Variants in ANKRD22 observed in about 807,000 individuals in gnomAD.
ANKRD22 encodes the protein ankyrin repeat domain-containing protein 22.
A neutral mutation model predicts 25.7 loss-of-function variants in ANKRD22; 24 were observed. The ratio of observed to expected loss-of-function variants is 0.93; its 90% confidence interval spans 0.68 to 1.31. The LOEUF (loss-of-function observed/expected upper bound fraction) is 1.31, where lower values mean the gene tolerates loss of function less well. Among genes scored for constraint, ANKRD22 ranks in the 50% most tolerant of loss-of-function variants. The pLI is 0.00. For synonymous variants in ANKRD22, 84 were observed against 84.3 expected, an observed-to-expected ratio of 1.00 and a Z score of 0.02; for missense variants, 214 against 227.1, an observed-to-expected ratio of 0.94 and a Z score of 0.37.
chr10:88,823,620 G>T (rs888710151), intron 4 of ANKRD22: 13 of 392,596 alleles, frequency 3.3e-5, no homozygotes, highest in African/African-American at 2.7e-4. Flanking sequence ...GAGGTCAGAG[G>T]ATCGAGACCG....
At chr10:88,845,015 C>A (rs1844035025) in intron 1 of ANKRD22, among the ~76,000 whole-genome samples, 1 of 152,056 alleles carries the variant, frequency 6.6e-6, no homozygotes, top group Non-Finnish European at 1.5e-5. Flanking sequence ...GGCTCTTAGA[C>A]AAGGAGAACT....
chr10:88,820,518 G>C lies in ANKRD22; in HGVS notation c.*2423C>G, dbSNP rs751078620. The C allele has an allele frequency of 1.3e-6, 2 of 1,544,606 alleles. No homozygotes were observed. Among genetic ancestry groups the C allele is most frequent in the Admixed American group, 2.0e-5 (1 of 50,878 alleles). The stretch of plus-strand genomic sequence containing the variant: ...GTATTGTGAAGCATCTGACACTGAC[G>C]ATCTTAGGACAACCTCCTGAGGGAT... On this transcript the variant is annotated 3_prime_UTR_variant, in exon 6 of 6. Coordinates refer to ENST00000371930, the MANE Select transcript of ANKRD22 (RefSeq NM_144590.3).
chr10:88,850,148 T>A (rs1040241006), intron 1 of ANKRD22, among the ~76,000 whole-genome samples: 1 of 151,900 alleles, frequency 6.6e-6, no homozygotes, highest in African/African-American at 2.4e-5. Flanking sequence ...ATGAGTAGGC[T>A]ATGTTTAAAT....
intron 4 of ANKRD22, among the ~76,000 whole-genome samples, chr10:88,824,570 T>A (rs865851771): frequency 6.6e-6 from 1 of 152,124 alleles, no homozygotes; most frequent in Non-Finnish European, 1.5e-5. Flanking sequence ...TTTGAAAAAA[T>A]TTTGGTATTA....
At chr10:88,836,445 A>G (rs1047981175) in intron 1 of ANKRD22, among the ~76,000 whole-genome samples, 2 of 152,330 alleles carry the variant, frequency 1.3e-5, no homozygotes. Context: ...ACAACCCTCT[A>G]AAGTAGTATT....
chr10:88,851,020 T>A (rs1169030664), intron 1 of ANKRD22, among the ~76,000 whole-genome samples: 1 of 152,154 alleles, frequency 6.6e-6, no homozygotes, highest in African/African-American at 2.4e-5. Flanking sequence ...AATAAGTTAC[T>A]TCCAATACAA....
At chr10:88,836,570 C>G (rs139591757) in intron 1 of ANKRD22, among the ~76,000 whole-genome samples, 1 of 152,272 alleles carries the variant, frequency 6.6e-6, no homozygotes, top group East Asian at 1.9e-4. Context: ...CTGCAGAATG[C>G]GTACATTCTA....
intron 3 of ANKRD22, among the ~76,000 whole-genome samples, chr10:88,827,759 G>A (rs552064740): frequency 6.6e-6 from 1 of 152,298 alleles, no homozygotes; most frequent in African/African-American, 2.4e-5. Context: ...TTCTGCGGCT[G>A]ATGTTAACAG....
Position 88,828,627 on chromosome 10 carries a change from A to T in ANKRD22, c.253T>A (p.Phe85Ile). 2.5e-6 allele frequency: 4 copies of T among 1,610,376 alleles called. No homozygotes were observed. Among genetic ancestry groups the T allele is most frequent in the Non-Finnish European group, 2.5e-6 (3 of 1,177,958 alleles). The part of the protein sequence containing the change: ...TCLHYAVKKK[F>I]TFIDYLLIIL... Reference sequence around the variant, plus strand: ...ATTAGTAGATAATCAATGAAGGTAAATTTTTTCTTCACAGCATAATGCAAG... The same window carrying T: ...ATTAGTAGATAATCAATGAAGGTAATTTTTTTCTTCACAGCATAATGCAAG... The change falls in exon 3 of 6, where the codon TTT (phenylalanine) becomes ATT (isoleucine). Residue 85 changes from phenylalanine (F) to isoleucine (I), a missense_variant. Phe to Ile is a conservative substitution (Grantham distance 21, BLOSUM62 0). Transcript: ENST00000371930.
chr10:88,850,619 G>A (rs1239888624), intron 1 of ANKRD22, among the ~76,000 whole-genome samples: 1 of 152,134 alleles, frequency 6.6e-6, no homozygotes, highest in African/African-American at 2.4e-5. Flanking sequence ...CACTTGGGCA[G>A]TCTAAAGTTT....
chr10:88,824,737 A>G (rs749224008), intron 4 of ANKRD22, among the ~76,000 whole-genome samples: 2 of 152,196 alleles, frequency 1.3e-5, no homozygotes. Context: ...AAATACACAT[A>G]AATTGCTGAG....
intron 1 of ANKRD22, among the ~76,000 whole-genome samples, chr10:88,832,492 T>TACTAA: frequency 2.0e-5 from 3 of 152,010 alleles, no homozygotes; most frequent in African/African-American, 7.2e-5. Context: ...TCTTTATCTT[T>TACTAA]AGTAAAGACA....
In ANKRD22 at chr10:88,838,067, A is replaced by T. The variant is rs569392947; in HGVS notation, c.22-6041T>A. 3.3e-5 allele frequency among the ~76,000 whole-genome samples: 5 copies of T among 152,332 alleles called. No homozygotes were observed. In the South Asian group the frequency reaches 1.0e-3, roughly 32 times the overall value. Reference sequence around the variant, plus strand: ...AAGATGAATGGATTAATGACAGGAGATGTGATTGAGACAAGGGTAGATGAG... The same window carrying T: ...AAGATGAATGGATTAATGACAGGAGTTGTGATTGAGACAAGGGTAGATGAG... On this transcript the variant is annotated intron_variant, in intron 1 of 5. Transcript: ENST00000371930.
intron 1 of ANKRD22, among the ~76,000 whole-genome samples, chr10:88,832,475 TAAAATATCTTTATCTTTAGTAAAGAC>T (rs1843914295): frequency 6.6e-6 from 1 of 150,834 alleles, no homozygotes; most frequent in Non-Finnish European, 1.5e-5. Context: ...TTACTAAAGA[TAAAATATCTTTATCTTTAGTAAAGAC>T]AAAATGTCTT....
At chr10:88,834,156 C>A (rs954099541) in intron 1 of ANKRD22, among the ~76,000 whole-genome samples, 10 of 152,216 alleles carry the variant, frequency 6.6e-5, no homozygotes, top group African/African-American at 2.2e-4. Context: ...GTCCTAGCAG[C>A]AATGCCCAGT....
chr10:88,837,124 G>T (rs1843961478), intron 1 of ANKRD22, among the ~76,000 whole-genome samples: 2 of 152,170 alleles, frequency 1.3e-5, no homozygotes, highest in Admixed American at 1.3e-4. Context: ...TCATCAAGTG[G>T]TTACAAATCC....
chr10:88,833,603 A>T (rs530588798), intron 1 of ANKRD22, among the ~76,000 whole-genome samples: 4 of 152,380 alleles, frequency 2.6e-5, no homozygotes, highest in Non-Finnish European at 5.9e-5. Flanking sequence ...AAATATCACA[A>T]TAAGTGAACT....
At chr10:88,831,754 T>C in intron 2 of ANKRD22, 81 bp downstream of exon 2, 1 of 1,382,786 alleles carries the variant, frequency 7.2e-7, no homozygotes, top group Non-Finnish European at 9.7e-7. Context: ...ATTTAAAAAA[T>C]GACATGCACC....
chr10:88,823,654 T>C (rs373617233), intron 4 of ANKRD22: 13 of 298,772 alleles, frequency 4.4e-5, no homozygotes, highest in East Asian at 3.2e-4. Context: ...GGTGAAACCC[T>C]GTCTCTACTA....
Sources: gnomAD v4.1 joint callset for allele counts (sites outside exome capture counted in the v4.1 genomes callset) on GRCh38, gnomAD v4.1.1 for gene constraint, MANE v1.5 for transcripts, NCBI Gene and HGNC (gene_info 2026-07-23, HGNC 2026-07-21) for gene names.